The following ESPL1 variants were observed in gnomAD, a reference collection of about 807,000 sequenced individuals.
ESPL1 encodes the protein extra spindle pole bodies like 1, separase, also known as separin.
ESPL1 carries 50 observed loss-of-function variants against 217.2 expected under a neutral mutation model. The observed-to-expected ratio is 0.23, with a 90% CI of 0.18 to 0.29. The LOEUF is 0.29. Among genes scored for constraint, ESPL1 ranks in the 10% least tolerant of loss-of-function variants. The pLI is 1.00. For missense variants in ESPL1, 1,834 were observed against 2,603.0 expected, an observed-to-expected ratio of 0.70 and a Z score of 6.43; for synonymous variants, 994 against 1,081.3, an observed-to-expected ratio of 0.92 and a Z score of 1.58.
At chr12:53,279,925 A>G in intron 12 of ESPL1, 59 bp downstream of exon 12, 1 of 1,477,498 alleles carries the variant, frequency 6.8e-7, no homozygotes, top group Non-Finnish European at 9.0e-7. Flanking sequence ...TTAGAGGCCC[A>G]CCTCTGAGAA....
In ESPL1 at chr12:53,290,483, G is replaced by C; in HGVS notation, c.5364+14G>C. 7 of 1,611,410 alleles carry C rather than the reference G, an allele frequency of 4.3e-6. No homozygotes were observed. Among genetic ancestry groups the C allele is most frequent in the Non-Finnish European group, 5.9e-6 (7 of 1,179,032 alleles). ...CACAGGATGGAGGTGTGTGCTTCTG[G>C]GGTGGGGTCAGGCCTGCTCTAGGAA... is the stretch of plus-strand genomic sequence containing the variant. On this transcript the variant is annotated intron_variant, in intron 24 of 30. Transcript: ENST00000257934.
chr12:53,273,429 A>C (rs1028291058), intron 6 of ESPL1, among the ~76,000 whole-genome samples: 3 of 151,882 alleles, frequency 2.0e-5, no homozygotes, highest in Non-Finnish European at 2.9e-5. Context: ...ACCTTTAAGA[A>C]AATTCTAATG....
chr12:53,268,902 G>T (rs765258526), intron 2 of ESPL1, 55 bp downstream of exon 2: 21 of 1,539,858 alleles, frequency 1.4e-5, no homozygotes, highest in Non-Finnish European at 1.6e-5. Context: ...GAGCTGTTTT[G>T]TGTTTGCCTT....
chr12:53,271,812 G>A (rs190113679), intron 5 of ESPL1, among the ~76,000 whole-genome samples: 90 of 152,244 alleles, frequency 5.9e-4, no homozygotes, highest in African/African-American at 1.9e-3. Flanking sequence ...ATTTGTTGCC[G>A]GGCGCAGTGG....
Position 53,288,031 on chromosome 12 carries a change from A to G in ESPL1, c.4236A>G (p.Ala1412=). ...EDPVSAEAWL[A]EEPKRRGTAS... The stretch of plus-strand genomic sequence containing the variant: ...CTGTCTCAGCTGAGGCCTGGCTGGC[A>G]GAGGAGCCTAAGAGACGGGGCACTG... The change falls in exon 19 of 31, where the codon GCA becomes GCG. Residue 1412 remains alanine (A), a synonymous_variant. Coordinates refer to ENST00000257934, the MANE Select transcript of ESPL1 (RefSeq NM_012291.5). The G allele has an allele frequency of 6.2e-7, 1 of 1,613,436 alleles. No individual in the cohort carries two copies. Among genetic ancestry groups the G allele is most frequent in the Non-Finnish European group, 8.5e-7 (1 of 1,179,938 alleles).
In ESPL1 at chr12:53,276,665, C is replaced by T. The variant is rs767240091; in HGVS notation, c.1746C>T (p.Ala582=). The change falls in exon 8 of 31, where the codon GCC becomes GCT. Residue 582 remains alanine (A), a synonymous_variant. Coordinates refer to ENST00000257934, the MANE Select transcript of ESPL1 (RefSeq NM_012291.5). The part of the protein sequence containing the change: ...SLSGWDPETL[A]LLLREELQAY... ...GTGGCTGGGACCCGGAGACCCTGGC[C>T]CTCCTGCTGAGGGAGGAGCTGCAGG... is the stretch of plus-strand genomic sequence containing the variant. 4.3e-6 allele frequency: 7 copies of T among 1,613,044 alleles called. No homozygotes were observed. The highest frequency in any genetic ancestry group is 5.9e-6 in the Non-Finnish European group (7 of 1,179,942).
chr12:53,279,803 A>C lies in ESPL1; in HGVS notation c.2436A>C (p.Ala812=). The C allele has an allele frequency of 6.2e-7, 1 of 1,613,330 alleles. No homozygotes were observed. Among genetic ancestry groups the C allele is most frequent in the South Asian group, 1.1e-5 (1 of 91,044 alleles). ...AGAGACTGAAGGACCACTCGAAGGCAGCTGGCTCCTCCTGCCACATCACCC... is the reference window on the plus strand; with the variant it reads ...AGAGACTGAAGGACCACTCGAAGGCCGCTGGCTCCTCCTGCCACATCACCC... ...VSERLKDHSK[A]AGSSCHITQL... Residue 812 remains alanine, a synonymous_variant, in exon 12 of 31, where the codon GCA becomes GCC. Coordinates refer to ENST00000257934, the MANE Select transcript of ESPL1 (RefSeq NM_012291.5).
Position 53,293,337 on chromosome 12 carries a change from C to G in ESPL1, c.6226C>G (p.Leu2076Val), listed in dbSNP as rs1336028897. 2 of 1,614,086 alleles carry G rather than the reference C, an allele frequency of 1.2e-6. No homozygotes were observed. Among genetic ancestry groups the G allele is most frequent in the Non-Finnish European group, 1.7e-6 (2 of 1,180,038 alleles). Residue 2076 changes from leucine to valine, a missense_variant, in exon 31 of 31, where the codon CTG (leucine) becomes GTG (valine). Physicochemically the swap from Leu to Val is conservative, Grantham distance 32. This residue lies in a region of ESPL1 where 295 missense variants were observed against 519.8 expected (regional missense o/e 0.57). Transcript: ENST00000257934. The surrounding 1 kb of genome is among the most constrained non-coding windows in gnomAD (Gnocchi z 4.2). ...DRDIDRYTEA[L>V]LQGWLGAGPG... ...CGACATTGACCGCTACACGGAAGCT[C>G]TGCTGCAAGGCTGGCTTGGAGCAGG...
chr12:53,274,768 ACACT>A, intron 6 of ESPL1, 45 bp from the exon 7 acceptor site: 1 of 1,479,958 alleles, frequency 6.8e-7, no homozygotes, highest in African/African-American at 1.4e-5. Flanking sequence ...TCCACCATAC[ACACT>A]CACTGGTTCC....
At position 53,283,382 on chromosome 12, in the gene ESPL1, G is replaced by A. The variant is rs923726896; in HGVS notation, c.2921G>A (p.Gly974Asp). The change falls in exon 16 of 31, where the codon GGT (glycine) becomes GAT (aspartate). Residue 974 changes from glycine (G) to aspartate (D), a missense_variant and splice_region_variant. Transcript: ENST00000257934. ...GGTGGTCTTGTCTCTTTTGCTACAG[G>A]TGAAAATCTGGTACAAAAATGGCAG... ...AAVETSFLDY[G>D]ENLVQKWQVL... 1.9e-6 allele frequency: 3 copies of A among 1,614,012 alleles called. No homozygotes were observed. Among genetic ancestry groups the A allele is most frequent in the African/African-American group, 2.7e-5 (2 of 74,932 alleles).
At position 53,291,700 on chromosome 12, in the gene ESPL1, G is replaced by C; in HGVS notation, c.5531G>C (p.Ser1844Thr). The change falls in exon 26 of 31, where the codon AGT (serine) becomes ACT (threonine). Residue 1844 changes from serine (S) to threonine (T), a missense_variant. By Grantham distance (58) the Ser-to-Thr change is moderately conservative. Around this residue, in one of 5 missense-constraint regions of ESPL1, gnomAD observed 295 missense variants for 519.8 expected, o/e 0.57. Coordinates refer to ENST00000257934, the MANE Select transcript of ESPL1 (RefSeq NM_012291.5). ...PDRTLLKIML[S>T]GAGALTPQDI... ...ACTGTTTCCCTGCAGATCATGCTCA[G>C]TGGTGCCGGTGCCCTCACCCCTCAG... The C allele has an allele frequency of 6.2e-7, 1 of 1,613,846 alleles. No homozygotes were observed. Among genetic ancestry groups the C allele is most frequent in the East Asian group, 2.2e-5 (1 of 44,880 alleles).
intron 10 of ESPL1, 104 bp from the exon 11 acceptor site, chr12:53,277,717 G>A: frequency 6.4e-7 from 1 of 1,568,816 alleles, no homozygotes. Context: ...GGTTGTGGAA[G>A]CAGTGGGAGG....
rs1254792640 is a variant in ESPL1, at chr12:53,269,224, C to G, written c.282C>G (p.Pro94=). 1.2e-6 allele frequency: 2 copies of G among 1,614,086 alleles called. No homozygotes were observed. The highest frequency in any genetic ancestry group is 1.3e-5 in the African/African-American group (1 of 74,936). ...TAGTGTCTACCCCACAGCGTCCTCC[C>G]CTCTACCTGGAACGAATTCTCTTTG... The part of the protein sequence containing the change: ...GYLVSTPQRP[P]LYLERILFVL... Residue 94 remains proline, a synonymous_variant, in exon 3 of 31, where the codon CCC becomes CCG. Transcript: ENST00000257934. This position sits in a 1 kb window ranked among gnomAD's most constrained non-coding sequence, Gnocchi z 6.7.
chr12:53,286,544 T>A lies in ESPL1; in HGVS notation c.3808T>A (p.Leu1270Met). The stretch of plus-strand genomic sequence containing the variant: ...AGAGCCCTGGCGAGCCAGCCTGCTC[T>A]TGATTTGGGCCCTCACAAAACTAGG... The part of the protein sequence containing the change: ...HLEPWRASLL[L>M]IWALTKLGGL... The change falls in exon 18 of 31, where the codon TTG becomes ATG. Residue 1270 changes from leucine to methionine, a missense_variant. Around this residue, in one of 5 missense-constraint regions of ESPL1, gnomAD observed 681 missense variants for 808.0 expected, o/e 0.84. Coordinates refer to ENST00000257934, the MANE Select transcript of ESPL1 (RefSeq NM_012291.5). This position sits in a 1 kb window ranked among gnomAD's most constrained non-coding sequence, Gnocchi z 5.3. 6.2e-7 allele frequency: 1 copy of A among 1,614,198 alleles called. No homozygotes were observed. The highest frequency in any genetic ancestry group is 8.5e-7 in the Non-Finnish European group (1 of 1,180,032).
rs147744221 is a variant in ESPL1, at chr12:53,282,142, A to C, written c.2620-122A>C. ...TCGAAAGCCAGGCAAATATTCAGAAAATTCTAAAATCTTTCTAATACCCAG... is the reference window on the plus strand; with the variant it reads ...TCGAAAGCCAGGCAAATATTCAGAACATTCTAAAATCTTTCTAATACCCAG... On this transcript the variant is annotated intron_variant, in intron 13 of 30. Transcript: ENST00000257934. This position sits in a 1 kb window ranked among gnomAD's most constrained non-coding sequence, Gnocchi z 4.0. 3 of 795,346 alleles carry C rather than the reference A, an allele frequency of 3.8e-6. No homozygotes were observed. The highest frequency in any genetic ancestry group is 2.5e-5 in the East Asian group (1 of 40,708). The allele number at this position is 795,346 out of a possible 1,614,324, so 49.3% of individuals were successfully genotyped here.
chr12:53,277,296 G>C, intron 9 of ESPL1, 69 bp downstream of exon 9: 1 of 1,544,608 alleles, frequency 6.5e-7, no homozygotes, highest in Non-Finnish European at 8.8e-7. Flanking sequence ...CCCCCAACAA[G>C]TTGGTATCAG....
In ESPL1 at chr12:53,288,207, C is replaced by G; in HGVS notation, c.4412C>G (p.Pro1471Arg). Residue 1471 changes from proline (P) to arginine (R), a missense_variant, in exon 19 of 31, where the codon CCC becomes CGC. Transcript: ENST00000257934. ...TCAAGACATTGTGAGGAGCGGCGTC[C>G]CCAGAGGGCCAGTGACCAGGCCAGG... ...VASRHCEERR[P>R]QRASDQARPG... 1 of 1,610,966 alleles carries G rather than the reference C, an allele frequency of 6.2e-7. No individual in the cohort carries two copies. The highest frequency in any genetic ancestry group is 1.3e-5 in the African/African-American group (1 of 75,032).
chr12:53,277,692 C>T, intron 10 of ESPL1, 84 bp downstream of exon 10: 2 of 1,574,342 alleles, frequency 1.3e-6, no homozygotes, highest in Non-Finnish European at 8.7e-7. Context: ...GAAACCCTGA[C>T]CTTGTAGGGT....
At chr12:53,287,850 C>G in intron 18 of ESPL1, 122 bp from the exon 19 acceptor site, 2 of 985,546 alleles carry the variant, frequency 2.0e-6, no homozygotes, top group Non-Finnish European at 3.0e-6. Flanking sequence ...GAAGTTAGTT[C>G]TGAAATCTTC....
Sources: gnomAD v4.1 joint callset for allele counts (sites outside exome capture counted in the v4.1 genomes callset) on GRCh38, gnomAD v4.1.1 for gene constraint, gnomAD v4.1.1 regional missense constraint, Gnocchi (gnomAD v3.1) non-coding constraint, MANE v1.5 for transcripts, NCBI Gene and HGNC (gene_info 2026-07-23, HGNC 2026-07-21) for gene names.